The following MSH4 variants were observed in gnomAD, a reference collection of about 807,000 sequenced individuals.
MSH4 encodes mutS protein homolog 4.
A neutral mutation model predicts 113.7 loss-of-function variants in MSH4; 106 were observed. The observed-to-expected ratio is 0.93, with a 90% CI of 0.80 to 1.10. The LOEUF (loss-of-function observed/expected upper bound fraction) is 1.10, where lower values mean the gene tolerates loss of function less well. MSH4 is among the 50% of genes least tolerant of loss of function. The pLI, the probability that MSH4 is intolerant of heterozygous loss-of-function variation, is 0.00. For synonymous variants in MSH4, 368 were observed against 380.2 expected, an observed-to-expected ratio of 0.97 and a Z score of 0.37; for missense variants, 1,061 against 1,093.7, an observed-to-expected ratio of 0.97 and a Z score of 0.42.
At chr1:75,830,962 G>A (rs376186864) in intron 7 of MSH4, among the ~76,000 whole-genome samples, 3 of 152,098 alleles carry the variant, frequency 2.0e-5, no homozygotes, top group Admixed American at 6.6e-5. Context: ...ATGTAAATGG[G>A]CTAAATGCTC....
At chr1:75,833,950 A>G (rs978201799) in intron 7 of MSH4, among the ~76,000 whole-genome samples, 1 of 152,242 alleles carries the variant, frequency 6.6e-6, no homozygotes, top group African/African-American at 2.4e-5. Flanking sequence ...TAATTAAACT[A>G]AAGAGATTCT....
intron 7 of MSH4, among the ~76,000 whole-genome samples, chr1:75,830,322 C>T (rs2100529089): frequency 6.6e-6 from 1 of 152,232 alleles, no homozygotes; most frequent in South Asian, 2.1e-4. Context: ...ATTGGTGTAC[C>T]TAAAAGTGAC....
chr1:75,814,975 C>A (rs377124411), intron 4 of MSH4, 46 bp from the exon 5 acceptor site: 19 of 1,143,854 alleles, frequency 1.7e-5, no homozygotes, highest in Admixed American at 7.2e-5. Context: ...TTTGGGCAAG[C>A]GCATGGCACT....
In MSH4 at chr1:75,840,921, G is replaced by A. The variant is rs369207663; in HGVS notation, c.1163-7288G>A. 7.2e-5 allele frequency among the ~76,000 whole-genome samples: 11 copies of A among 152,126 alleles called. No homozygotes were observed. The East Asian group carries it at 7.7e-4, about 11-fold the overall frequency. On this transcript the variant is annotated intron_variant, in intron 7 of 19. Transcript: ENST00000263187. ...ATGGGAACACAGAGAAGGGAGTTGG[G>A]ATAAAGACAGAATCCAGATGGGATT...
intron 17 of MSH4, among the ~76,000 whole-genome samples, chr1:75,893,665 G>A (rs548447847): frequency 1.1e-4 from 16 of 152,298 alleles, no homozygotes; most frequent in African/African-American, 3.8e-4. Context: ...GGTACAAAAT[G>A]TGACTATAAG....
chr1:75,850,148 T>C (rs1346273090), intron 8 of MSH4, among the ~76,000 whole-genome samples: 2 of 152,104 alleles, frequency 1.3e-5, no homozygotes, highest in Non-Finnish European at 2.9e-5. Flanking sequence ...TTCTCTTTTT[T>C]GCTCCTGTTC....
chr1:75,847,957 G>GA (rs1310956867), intron 7 of MSH4, among the ~76,000 whole-genome samples: 4 of 152,130 alleles, frequency 2.6e-5, no homozygotes, highest in Non-Finnish European at 5.9e-5. Context: ...TTTTGGTGGG[G>GA]ACAGGCAAAT....
At chr1:75,837,019 T>C (rs192716255) in intron 7 of MSH4, among the ~76,000 whole-genome samples, 1 of 152,350 alleles carries the variant, frequency 6.6e-6, no homozygotes, top group East Asian at 1.9e-4. Flanking sequence ...ATCTACATGT[T>C]GTGCTTCTCC....
At position 75,852,356 on chromosome 1, in the gene MSH4, T is replaced by C. The variant is rs540529430; in HGVS notation, c.1230+4080T>C. Among the ~76,000 whole-genome samples, 6 of 152,352 alleles carry C rather than the reference T, an allele frequency of 3.9e-5. No homozygotes were observed. In the South Asian group the frequency reaches 6.2e-4, roughly 16 times the overall value. On this transcript the variant is annotated intron_variant, in intron 8 of 19. Coordinates refer to ENST00000263187, the MANE Select transcript of MSH4 (RefSeq NM_002440.4). The stretch of plus-strand genomic sequence containing the variant: ...GCTATGAATATTTGTGTGCAGGTTT[T>C]TCTAGGGACATACATTTTTCATTTG...
In MSH4 at chr1:75,899,694, G is replaced by C; in HGVS notation, c.2607G>C (p.Thr869=). 6.7e-7 allele frequency: 1 copy of C among 1,493,022 alleles called. No individual in the cohort carries two copies. The highest frequency in any genetic ancestry group is 8.9e-7 in the Non-Finnish European group (1 of 1,127,894). 92.5% of individuals were successfully genotyped at this position (1,493,022 alleles called of 1,614,324 possible). A position where few individuals can be genotyped will look rare whatever the true frequency, so the allele number is the denominator to read the frequency against. ...LDAKEITTQI[T]RQILQNQRST... is the part of the protein sequence containing the mutation. ...CCAAGGAAATCACAACTCAAATTAC[G>C]AGACAAATTTTGGTAAGAAACTTTG... The change falls in exon 19 of 20, where the codon ACG becomes ACC. Residue 869 remains threonine (T), a synonymous_variant. Coordinates refer to ENST00000263187, the MANE Select transcript of MSH4 (RefSeq NM_002440.4).
intron 7 of MSH4, among the ~76,000 whole-genome samples, chr1:75,832,048 TAAA>T (rs1431730836): frequency 2.0e-5 from 3 of 151,876 alleles, no homozygotes; most frequent in Admixed American, 6.6e-5. Flanking sequence ...GCAAGATTAA[TAAA>T]GAAGAAAAGA....
At chr1:75,893,289 G>A (rs1157402820) in intron 17 of MSH4, among the ~76,000 whole-genome samples, 1 of 152,168 alleles carries the variant, frequency 6.6e-6, no homozygotes, top group Non-Finnish European at 1.5e-5. Context: ...TATAGTCACA[G>A]GGTTGAGATT....
In MSH4 at chr1:75,861,643, G is replaced by A. The variant is rs570272514; in HGVS notation, c.1231-5871G>A. Among the ~76,000 whole-genome samples the A allele has an allele frequency of 3.5e-4, 53 of 152,278 alleles. 1 individual carries two copies. Among genetic ancestry groups the A allele is most frequent in the Middle Eastern group, 3.4e-3 (1 of 294 alleles). ...GCCTGATCCTTCCTCTGGAAGCTTC[G>A]TCCCAGAGGGGCAACCGCCTGTATG... is the stretch of plus-strand genomic sequence containing the variant. On this transcript the variant is annotated intron_variant, in intron 8 of 19. Coordinates refer to ENST00000263187, the MANE Select transcript of MSH4 (RefSeq NM_002440.4).
intron 9 of MSH4, among the ~76,000 whole-genome samples, chr1:75,874,716 C>T (rs1651780232): frequency 6.6e-6 from 1 of 152,152 alleles, no homozygotes; most frequent in Admixed American, 6.5e-5. Context: ...GTTGTGCATG[C>T]CTGGCACAAC....
chr1:75,876,346 G>T (rs557807330), intron 9 of MSH4, among the ~76,000 whole-genome samples: 2 of 151,778 alleles, frequency 1.3e-5, no homozygotes, highest in East Asian at 3.9e-4. Flanking sequence ...TTATCTGTCT[G>T]TGCATATTAT....
At chr1:75,896,288 G>A (rs1373055713) in intron 17 of MSH4, among the ~76,000 whole-genome samples, 1 of 150,900 alleles carries the variant, frequency 6.6e-6, no homozygotes. Flanking sequence ...TTTTGATCTT[G>A]CCAGCCTCCA....
chr1:75,871,143 G>A (rs1651705002), intron 9 of MSH4, among the ~76,000 whole-genome samples: 2 of 152,088 alleles, frequency 1.3e-5, no homozygotes. Flanking sequence ...TTTGTTACAA[G>A]GCAGCAGGAA....
At chr1:75,845,277 A>G (rs1414783250) in intron 7 of MSH4, among the ~76,000 whole-genome samples, 1 of 152,178 alleles carries the variant, frequency 6.6e-6, no homozygotes, top group Non-Finnish European at 1.5e-5. Flanking sequence ...ACTTGTTTCA[A>G]CACTTACTCA....
At chr1:75,867,985 AG>A (rs1651625679) in intron 9 of MSH4, among the ~76,000 whole-genome samples, 1 of 152,060 alleles carries the variant, frequency 6.6e-6, no homozygotes, top group African/African-American at 2.4e-5. Context: ...TTCCTGATAT[AG>A]GGTCCAATCC....
Sources: allele counts gnomAD v4.1 joint callset (sites outside exome capture counted in the v4.1 genomes callset), GRCh38; gene constraint gnomAD v4.1.1; transcripts MANE v1.5; gene names NCBI Gene and HGNC (gene_info 2026-07-23, HGNC 2026-07-21).